RBFOX1: variants seen among roughly 807,000 people sequenced by gnomAD.
RBFOX1 encodes the protein RNA binding fox-1 homolog 1.
Under a neutral mutation model 57.7 loss-of-function variants are expected in RBFOX1, and 8 were observed. That is an observed-to-expected ratio of 0.14 (90% CI 0.08 to 0.25). The LOEUF is 0.25. Ranked by LOEUF, RBFOX1 falls within the 10% of genes least tolerant of loss-of-function variation. RBFOX1 has a pLI of 1.00. For synonymous variants in RBFOX1, 326 were observed against 222.4 expected, an observed-to-expected ratio of 1.47 and a Z score of -4.15; for missense variants, 611 against 548.5, an observed-to-expected ratio of 1.11 and a Z score of -1.14.
chr16:6,869,774 C>G (rs1209920934), intron 3 of RBFOX1, among the ~76,000 whole-genome samples: 1 of 152,104 alleles, frequency 6.6e-6, no homozygotes. Context: ...ACAGCATCAG[C>G]TTGATGTGGA....
Position 5,770,536 on chromosome 16 carries a change from G to T in RBFOX1, c.319-96767G>T, listed in dbSNP as rs1256968309. ...TTGTTATAAATAAAGCTAGCCAACA[G>T]TCCACAAGTGCTATCTGCCTATGGG... is the stretch of plus-strand genomic sequence containing the variant. On this transcript the variant is annotated intron_variant, in intron 3 of 19. Coordinates refer to the RBFOX1 transcript ENST00000641259. Among the ~76,000 whole-genome samples, 3 of 152,148 alleles carry T rather than the reference G, an allele frequency of 2.0e-5. No individual in the cohort carries two copies. In the East Asian group the frequency reaches 5.8e-4, roughly 29 times the overall value.
intron 3 of RBFOX1, among the ~76,000 whole-genome samples, chr16:5,840,823 C>G (rs1410378631): frequency 6.6e-6 from 1 of 152,070 alleles, no homozygotes; most frequent in African/African-American, 2.4e-5. Context: ...CCTAGGGGAA[C>G]CACTCTCAGT....
At chr16:7,056,075 G>T (rs545078753) in intron 4 of RBFOX1, among the ~76,000 whole-genome samples, 3 of 152,046 alleles carry the variant, frequency 2.0e-5, no homozygotes, top group Non-Finnish European at 4.4e-5. Context: ...TATAGTCTTT[G>T]GTCATATCCC....
chr16:5,873,830 C>T (rs1712524261), intron 4 of RBFOX1, among the ~76,000 whole-genome samples: 1 of 151,998 alleles, frequency 6.6e-6, no homozygotes, highest in South Asian at 2.1e-4. Flanking sequence ...AGAGGCTTCT[C>T]AGAGGAGGTA....
chr16:6,281,764 A>C (rs1022353870), intron 1 of RBFOX1, among the ~76,000 whole-genome samples: 2 of 152,146 alleles, frequency 1.3e-5, no homozygotes, highest in Non-Finnish European at 2.9e-5. Flanking sequence ...GGTGCTTTCT[A>C]AGCATTTTTC....
chr16:5,931,200 A>G (rs777987508), intron 4 of RBFOX1, among the ~76,000 whole-genome samples: 2 of 152,164 alleles, frequency 1.3e-5, no homozygotes, highest in African/African-American at 2.4e-5. Flanking sequence ...AACCACATCA[A>G]TCATCCTATT....
intron 5 of RBFOX1, among the ~76,000 whole-genome samples, chr16:7,554,369 A>T (rs1033406437): frequency 3.3e-5 from 5 of 152,164 alleles, no homozygotes; most frequent in African/African-American, 1.2e-4. Flanking sequence ...ACTTTTAGGT[A>T]AAAGTCCATT....
At chr16:6,748,548 C>T (rs892513662) in intron 3 of RBFOX1, among the ~76,000 whole-genome samples, 1 of 152,086 alleles carries the variant, frequency 6.6e-6, no homozygotes, top group African/African-American at 2.4e-5. Context: ...CATTTGTAGT[C>T]CCAGCTTGGG....
chr16:5,260,538 AG>A (rs1230250612), intron 1 of RBFOX1: 4 of 152,272 alleles, frequency 2.6e-5, no homozygotes, highest in Admixed American at 6.5e-5. Flanking sequence ...AGCAAAAATC[AG>A]TTTCTAGAAC....
chr16:5,933,833 G>T (rs1024191550), intron 4 of RBFOX1, among the ~76,000 whole-genome samples: 3 of 151,838 alleles, frequency 2.0e-5, no homozygotes, highest in Non-Finnish European at 4.4e-5. Context: ...ACGTGTGCAG[G>T]TTTGTTATAT....
chr16:5,602,485 G>C (rs1055698787), downstream of RBFOX1, among the ~76,000 whole-genome samples: 40 of 152,142 alleles, frequency 2.6e-4, no homozygotes, highest in African/African-American at 9.4e-4. Flanking sequence ...AGGATTTTGT[G>C]GTGAGGATTT....
chr16:6,847,566 A>G (rs908607088), intron 3 of RBFOX1, among the ~76,000 whole-genome samples: 1 of 152,016 alleles, frequency 6.6e-6, no homozygotes. Flanking sequence ...AGTGTGGTCC[A>G]TGGTCAGTCG....
At chr16:6,851,301 G>A (rs1384321403) in intron 3 of RBFOX1, among the ~76,000 whole-genome samples, 1 of 152,112 alleles carries the variant, frequency 6.6e-6, no homozygotes, top group African/African-American at 2.4e-5. Flanking sequence ...ACAGTAGGGT[G>A]TGGTCATAGA....
chr16:6,800,006 A>G (rs2084998173), intron 3 of RBFOX1, among the ~76,000 whole-genome samples: 1 of 152,154 alleles, frequency 6.6e-6, no homozygotes, highest in African/African-American at 2.4e-5. Context: ...CATATATCCT[A>G]TTAGTTCTGT....
chr16:5,870,373 CA>C (rs59398844), intron 4 of RBFOX1, among the ~76,000 whole-genome samples: 26,261 of 91,174 alleles, frequency 0.29, 1,792 homozygotes, highest in Middle Eastern at 0.3. Context: ...ATTTGTATGG[CA>C]AAAAAAAAAA....
chr16:7,088,333 T>G (rs191027416), intron 4 of RBFOX1, among the ~76,000 whole-genome samples: 7 of 152,348 alleles, frequency 4.6e-5, no homozygotes, highest in Non-Finnish European at 7.3e-5. Context: ...GTTTTGTTTT[T>G]GTTTCTGTTT....
chr16:6,243,144 CTGTGTGTGTGTG>C (rs370115661), intron 1 of RBFOX1, among the ~76,000 whole-genome samples: 2 of 147,416 alleles, frequency 1.4e-5, no homozygotes, highest in Non-Finnish European at 3.0e-5. Context: ...ATACGTGTGT[CTGTGTGTGTGTG>C]TGTGTGTGTG....
At chr16:7,020,761 C>T (rs1171937455) in intron 3 of RBFOX1, among the ~76,000 whole-genome samples, 1 of 152,058 alleles carries the variant, frequency 6.6e-6, no homozygotes, top group Non-Finnish European at 1.5e-5. Context: ...TCAGTGAAAT[C>T]CCTGCATTCC....
At chr16:7,301,194 G>A (rs1160814144) in intron 4 of RBFOX1, among the ~76,000 whole-genome samples, 1 of 152,204 alleles carries the variant, frequency 6.6e-6, no homozygotes, top group African/African-American at 2.4e-5. Flanking sequence ...GGGGTCATTG[G>A]ATGCCCTATT....
Sources: gnomAD v4.1 joint callset for allele counts (sites outside exome capture counted in the v4.1 genomes callset) on GRCh38, gnomAD v4.1.1 for gene constraint, MANE v1.5 for transcripts, NCBI Gene and HGNC (gene_info 2026-07-23, HGNC 2026-07-21) for gene names.